TTC34: variants seen among roughly 807,000 people sequenced by gnomAD.
TTC34 encodes tetratricopeptide repeat domain 34.
A neutral mutation model predicts 40.7 loss-of-function variants in TTC34; 44 were observed. The ratio of observed to expected loss-of-function variants is 1.08; its 90% confidence interval spans 0.85 to 1.39. The LOEUF is 1.39. TTC34 is among the 40% of genes most tolerant of loss of function. TTC34 has a pLI of 0.00. For synonymous variants in TTC34, 422 were observed against 398.6 expected (o/e 1.06, Z -0.70); for missense variants, 884 against 838.0 (o/e 1.05, Z -0.68).
At chr1:2,751,865 C>G (rs1199328907) in intron 6 of TTC34, among the ~76,000 whole-genome samples, 2 of 40,600 alleles carry the variant, frequency 4.9e-5, no homozygotes, top group East Asian at 1.5e-3. Context: ...AGTGAGCATC[C>G]GACAGCCTGG....
intron 6 of TTC34, among the ~76,000 whole-genome samples, chr1:2,685,170 C>G (rs1177382810): frequency 7.1e-6 from 1 of 141,230 alleles, no homozygotes; most frequent in Non-Finnish European, 1.5e-5. Context: ...CCCACGTGAG[C>G]ATCTGACTGC....
In TTC34 at chr1:2,691,982, C is replaced by A. The variant is rs902171331; in HGVS notation, c.2227-46419G>T. 3.8e-5 allele frequency among the ~76,000 whole-genome samples: 3 copies of A among 79,128 alleles called. 1 individual carries two copies. Among genetic ancestry groups the A allele is most frequent in the South Asian group, 3.8e-4 (1 of 2,642 alleles). The allele number at this position is 79,128 out of a possible 152,430, so 51.9% of individuals were successfully genotyped here. On this transcript the variant is annotated intron_variant, in intron 6 of 8. Coordinates refer to ENST00000401095, the Ensembl canonical transcript of TTC34. ...ATCTGACAGACTGGAACAGCTCCCA[C>A]ACCCCCAGGCGAGCATCTGACAGCA... is the stretch of plus-strand genomic sequence containing the variant.
intron 6 of TTC34, among the ~76,000 whole-genome samples, chr1:2,686,326 G>A (rs1263964336): frequency 6.6e-6 from 1 of 152,042 alleles, no homozygotes; most frequent in East Asian, 1.9e-4. Flanking sequence ...CACACCTCCA[G>A]GCGAGCATCC....
chr1:2,784,202 A>G (rs1643540346), intron 5 of TTC34, among the ~76,000 whole-genome samples: 1 of 152,248 alleles, frequency 6.6e-6, no homozygotes, highest in Non-Finnish European at 1.5e-5. Flanking sequence ...TCACGTGATC[A>G]AAGGACAGTG....
At chr1:2,693,826 C>A (rs1176624972) in intron 6 of TTC34, among the ~76,000 whole-genome samples, 127 of 139,018 alleles carry the variant, frequency 9.1e-4, no homozygotes, top group Non-Finnish European at 8.7e-4. Context: ...AGCACCCACA[C>A]CCACAGGTGA....
At chr1:2,756,901 C>G (rs1641525213) in intron 6 of TTC34, among the ~76,000 whole-genome samples, 1 of 122,850 alleles carries the variant, frequency 8.1e-6, no homozygotes, top group Non-Finnish European at 1.8e-5. Flanking sequence ...GGAGCAGTAC[C>G]CACACCCACA....
intron 6 of TTC34, among the ~76,000 whole-genome samples, chr1:2,698,679 C>T (rs568871280): frequency 2.2e-3 from 189 of 86,746 alleles, no homozygotes; most frequent in Admixed American, 3.1e-3. Flanking sequence ...CCTGGAACAG[C>T]ACCCACACCC....
chr1:2,685,166 T>A (rs28436923), intron 6 of TTC34, among the ~76,000 whole-genome samples: 45,374 of 125,600 alleles, frequency 0.36, 10,030 homozygotes, highest in Middle Eastern at 0.47. Flanking sequence ...CAACCCCACG[T>A]GAGCATCTGA....
intron 6 of TTC34, among the ~76,000 whole-genome samples, chr1:2,683,318 T>C (rs1341263119): frequency 3.5e-5 from 5 of 144,116 alleles, no homozygotes; most frequent in South Asian, 2.3e-4. Context: ...CACCCCCAGG[T>C]GAGCATCTGA....
At chr1:2,782,113 G>T (rs1463669241) in intron 6 of TTC34, among the ~76,000 whole-genome samples, 1 of 152,196 alleles carries the variant, frequency 6.6e-6, no homozygotes, top group African/African-American at 2.4e-5. Flanking sequence ...GAATTCACCA[G>T]TGAAGCCATC....
intron 6 of TTC34, among the ~76,000 whole-genome samples, chr1:2,685,785 A>G (rs1371833786): frequency 2.7e-5 from 4 of 147,386 alleles, no homozygotes; most frequent in African/African-American, 7.5e-5. Flanking sequence ...GACAGCCTGG[A>G]ACAGAACCCA....
At chr1:2,652,932 G>A (rs1291190248) in intron 6 of TTC34, among the ~76,000 whole-genome samples, 819 of 129,282 alleles carry the variant, frequency 6.3e-3, no homozygotes, top group Middle Eastern at 7.9e-3. Context: ...CACACCCCCA[G>A]GCGAGCATCT....
chr1:2,794,639 G>C (rs572272188), intron 2 of TTC34, among the ~76,000 whole-genome samples: 3 of 152,264 alleles, frequency 2.0e-5, no homozygotes, highest in Admixed American at 6.5e-5. Flanking sequence ...CTAGCACAAT[G>C]ATGAGTAACT....
intron 6 of TTC34, among the ~76,000 whole-genome samples, chr1:2,769,757 G>C (rs1377028804): frequency 1.3e-5 from 2 of 149,364 alleles, no homozygotes; most frequent in South Asian, 2.1e-4. Flanking sequence ...CACACCCCCA[G>C]GTGAGCATCT....
At chr1:2,752,802 C>G (rs1241643298) in intron 6 of TTC34, among the ~76,000 whole-genome samples, 1 of 131,454 alleles carries the variant, frequency 7.6e-6, no homozygotes, top group Non-Finnish European at 1.6e-5. Flanking sequence ...CAGCCTGGAA[C>G]AGCTCCCTGC....
chr1:2,767,810 C>T (rs890278341), intron 6 of TTC34, among the ~76,000 whole-genome samples: 1 of 150,956 alleles, frequency 6.6e-6, no homozygotes, highest in African/African-American at 2.4e-5. Flanking sequence ...CCCACACTCC[C>T]AGGTGAGCAT....
chr1:2,771,527 C>T (rs1569787029), intron 6 of TTC34, among the ~76,000 whole-genome samples: 1 of 78,956 alleles, frequency 1.3e-5, no homozygotes, highest in Non-Finnish European at 2.3e-5. Flanking sequence ...CGCACACCCC[C>T]AGGCGAGCAT....
intron 6 of TTC34, among the ~76,000 whole-genome samples, chr1:2,690,221 C>CT (rs1640554629): frequency 6.8e-6 from 1 of 146,828 alleles, no homozygotes; most frequent in African/African-American, 2.6e-5. Context: ...CACCCACACC[C>CT]CAGGTGAGGA....
chr1:2,646,583 G>A (rs1026719603), intron 6 of TTC34, among the ~76,000 whole-genome samples: 1 of 152,058 alleles, frequency 6.6e-6, no homozygotes, highest in African/African-American at 2.4e-5. Context: ...ATGGGGTCTT[G>A]ATATATTGCC....
Sources: gnomAD v4.1 joint callset for allele counts (sites outside exome capture counted in the v4.1 genomes callset) on GRCh38, gnomAD v4.1.1 for gene constraint, MANE v1.5 for transcripts, NCBI Gene and HGNC (gene_info 2026-07-23, HGNC 2026-07-21) for gene names.